HIRA: variants seen among roughly 807,000 people sequenced by gnomAD.
The protein encoded by HIRA is histone cell cycle regulator, also known as protein HIRA.
In HIRA, 13 loss-of-function variants were observed where a neutral mutation model predicts 126.6. The observed-to-expected ratio is 0.10, with a 90% confidence interval of 0.07 to 0.16. The LOEUF is 0.16. Ranked by LOEUF, HIRA falls within the 10% of genes least tolerant of loss-of-function variation. The pLI, the probability that HIRA is intolerant of heterozygous loss-of-function variation, is 1.00. For missense variants in HIRA, 834 were observed against 1,314.4 expected (o/e 0.63, Z 5.65); for synonymous variants, 511 against 520.0 (o/e 0.98, Z 0.24).
chr22:19,401,895 C>T (rs548213249), intron 5 of HIRA, among the ~76,000 whole-genome samples: 17 of 152,188 alleles, frequency 1.1e-4, no homozygotes, highest in Admixed American at 1.0e-3. Context: ...TAGATCCCTG[C>T]GGAGACTTCA....
At chr22:19,358,086 G>A (rs1225450579) in intron 18 of HIRA, among the ~76,000 whole-genome samples, 4 of 152,016 alleles carry the variant, frequency 2.6e-5, no homozygotes, top group African/African-American at 4.8e-5. Flanking sequence ...TGCAACCTCC[G>A]CCTCCCCAGT....
chr22:19,408,524 T>C lies in HIRA; in HGVS notation c.170A>G (p.Glu57Gly), dbSNP rs751385357. 6.2e-7 allele frequency: 1 copy of C among 1,613,776 alleles called. No homozygotes were observed. Among genetic ancestry groups the C allele is most frequent in the Non-Finnish European group, 8.5e-7 (1 of 1,179,614 alleles). ...PVLQEDDEKD[E>G]NIPKMLCQMD... is the part of the protein sequence containing the mutation. ...CTGGCAAAGCATCTTGGGAATATTT[T>C]CATCCTTCTCGTCATCCTCCTGGAG... The change falls in exon 3 of 25, where the codon GAA becomes GGA. Residue 57 changes from glutamate to glycine, a missense_variant. Glu to Gly is a moderately conservative substitution (Grantham distance 98). Coordinates refer to ENST00000263208, the MANE Select transcript of HIRA (RefSeq NM_003325.4).
At chr22:19,394,088 G>A (rs2089203890) in intron 8 of HIRA, among the ~76,000 whole-genome samples, 1 of 152,178 alleles carries the variant, frequency 6.6e-6, no homozygotes, top group South Asian at 2.1e-4. Context: ...GGAGCCAGGT[G>A]AGGGTGGCAC....
At position 19,377,833 on chromosome 22, in the gene HIRA, C is replaced by T; in HGVS notation, c.1613+36G>A. 2.0e-6 allele frequency: 3 copies of T among 1,523,624 alleles called. No individual in the cohort carries two copies. The Admixed American group carries it at 6.2e-5, about 31-fold the overall frequency. 94.4% of individuals were successfully genotyped at this position (1,523,624 alleles called of 1,614,324 possible). A position where few individuals can be genotyped will look rare whatever the true frequency, so the allele number is the denominator to read the frequency against. Reference sequence around the variant, plus strand: ...AAAACTATGTGCAAACCTGAACTTTCCCCAGGGACAGGAACAAGCCTTGGC... The same window carrying T: ...AAAACTATGTGCAAACCTGAACTTTTCCCAGGGACAGGAACAAGCCTTGGC... On this transcript the variant is annotated intron_variant, in intron 14 of 24. Transcript: ENST00000263208.
At chr22:19,378,202 G>T in intron 13 of HIRA, 136 bp from the exon 14 acceptor site, 1 of 572,470 alleles carries the variant, frequency 1.7e-6, no homozygotes, top group Non-Finnish European at 2.8e-6. Flanking sequence ...TTACAGAAAA[G>T]TAAAAAGAAA....
At chr22:19,353,542 C>T in intron 22 of HIRA, 23 bp from the exon 23 acceptor site, 1 of 1,576,718 alleles carries the variant, frequency 6.3e-7, no homozygotes, top group Non-Finnish European at 8.6e-7. Context: ...GGAGAGTTTC[C>T]ATGATGGGGC....
At chr22:19,349,355 G>A (rs2088729169) in intron 24 of HIRA, among the ~76,000 whole-genome samples, 1 of 152,190 alleles carries the variant, frequency 6.6e-6, no homozygotes, top group East Asian at 1.9e-4. Flanking sequence ...CACCCATCTC[G>A]GTTTCCCAAA....
chr22:19,425,466 G>A (rs1199167997), intron 1 of HIRA, among the ~76,000 whole-genome samples: 2 of 152,084 alleles, frequency 1.3e-5, no homozygotes, highest in African/African-American at 4.8e-5. Flanking sequence ...CCTCTTCCTG[G>A]TCACCGACAG....
chr22:19,348,752 C>T (rs2088719206), intron 24 of HIRA, among the ~76,000 whole-genome samples: 1 of 152,070 alleles, frequency 6.6e-6, no homozygotes, highest in Non-Finnish European at 1.5e-5. Flanking sequence ...CCCTTGGCCT[C>T]CCAAAGTGCT....
intron 5 of HIRA, chr22:19,405,420 C>T: frequency 1.2e-6 from 1 of 853,730 alleles, no homozygotes; most frequent in Non-Finnish European, 1.4e-6. Flanking sequence ...TTTCAATGGG[C>T]ATCTGTGAGC....
chr22:19,413,731 C>A (rs2089372762), intron 1 of HIRA, among the ~76,000 whole-genome samples: 1 of 152,032 alleles, frequency 6.6e-6, no homozygotes, highest in South Asian at 2.1e-4. Flanking sequence ...CCTGCCTCAG[C>A]CTCCTGAATA....
intron 5 of HIRA, among the ~76,000 whole-genome samples, chr22:19,402,489 A>G (rs550756973): frequency 6.6e-6 from 1 of 152,336 alleles, no homozygotes; most frequent in South Asian, 2.1e-4. Flanking sequence ...ATTAGTAGCA[A>G]AAGACCAATA....
chr22:19,341,448 CAAAAAAAAAAAA>C (rs55996019), intron 24 of HIRA, among the ~76,000 whole-genome samples: 9 of 107,892 alleles, frequency 8.3e-5, no homozygotes, highest in African/African-American at 3.3e-4. Context: ...GACCCTGTTT[CAAAAAAAAAAAA>C]AAAAAAAAAA....
chr22:19,366,759 GATTT>G (rs2088917217), intron 15 of HIRA, among the ~76,000 whole-genome samples: 1 of 152,044 alleles, frequency 6.6e-6, no homozygotes, highest in African/African-American at 2.4e-5. Flanking sequence ...AATAATAAGG[GATTT>G]ATTTATTTTT....
chr22:19,423,353 C>T (rs2089462848), intron 1 of HIRA, among the ~76,000 whole-genome samples: 1 of 152,174 alleles, frequency 6.6e-6, no homozygotes, highest in Non-Finnish European at 1.5e-5. Context: ...AGGAAACCCC[C>T]AGCAGATCCC....
chr22:19,353,621 A>T, intron 22 of HIRA, 102 bp from the exon 23 acceptor site: 1 of 1,234,094 alleles, frequency 8.1e-7, no homozygotes, highest in Non-Finnish European at 1.1e-6. Context: ...GGAGGCAGGC[A>T]CCAGGGCTGC....
At chr22:19,387,965 GCCTGGGC>G in intron 10 of HIRA, 149 bp from the exon 11 acceptor site, 2 of 177,036 alleles carry the variant, frequency 1.1e-5, no homozygotes, top group Non-Finnish European at 2.3e-5. Context: ...CCCTTCTTTG[GCCTGGGC>G]GGGGGGGGGA....
At chr22:19,405,380 C>T (rs2089299919) in intron 5 of HIRA, 1 of 505,326 alleles carries the variant, frequency 2.0e-6, no homozygotes, top group South Asian at 8.6e-5. Context: ...TAAAACACTG[C>T]AAACATACTC....
chr22:19,342,928 G>T (rs139064674), intron 24 of HIRA, among the ~76,000 whole-genome samples: 2,064 of 152,316 alleles, frequency 0.014, 68 homozygotes, highest in East Asian at 0.095. Context: ...AAAAAGGAAT[G>T]AAATAATGGC....
Sources: allele counts gnomAD v4.1 joint callset (sites outside exome capture counted in the v4.1 genomes callset), GRCh38; gene constraint gnomAD v4.1.1; transcripts MANE v1.5; gene names NCBI Gene and HGNC (gene_info 2026-07-23, HGNC 2026-07-21).